Variants in PPP3CC observed in about 807,000 individuals in gnomAD.
PPP3CC encodes serine/threonine-protein phosphatase 2B catalytic subunit gamma isoform.
A neutral mutation model predicts 60.3 loss-of-function variants in PPP3CC; 35 were observed. The observed-to-expected ratio is 0.58, with a 90% confidence interval of 0.44 to 0.77. The LOEUF is 0.77. PPP3CC is among the 30% of genes least tolerant of loss of function. PPP3CC has a pLI of 0.00. For missense variants in PPP3CC, 570 were observed against 628.9 expected (o/e 0.91, Z 1.00); for synonymous variants, 206 against 224.3 (o/e 0.92, Z 0.73).
intron 8 of PPP3CC, among the ~76,000 whole-genome samples, chr8:22,523,091 A>T (rs1331460267): frequency 6.6e-6 from 1 of 152,230 alleles, no homozygotes; most frequent in African/African-American, 2.4e-5. Context: ...TGTTTATAAC[A>T]GTATCTCAAA....
At chr8:22,532,864 A>G (rs2117149230) in intron 11 of PPP3CC, 57 bp from the exon 12 acceptor site, 2 of 1,202,250 alleles carry the variant, frequency 1.7e-6, no homozygotes, top group Non-Finnish European at 2.3e-6. Context: ...CAATATCTTT[A>G]AGTTGCTGAA....
Position 22,461,634 on chromosome 8 carries a change from G to A in PPP3CC, c.50-13320G>A, listed in dbSNP as rs956836251. 2.6e-5 allele frequency among the ~76,000 whole-genome samples: 4 copies of A among 152,038 alleles called. No individual in the cohort carries two copies. The South Asian group carries it at 8.3e-4, about 32-fold the overall frequency. On this transcript the variant is annotated intron_variant, in intron 1 of 13. Coordinates refer to ENST00000240139, the MANE Select transcript of PPP3CC (RefSeq NM_005605.5). ...ACCAAAGACCACCAAGAAAACATCT[G>A]TAGTCAAAAATAAGTTACACTGATT...
chr8:22,495,934 A>G (rs1838565935), intron 3 of PPP3CC, among the ~76,000 whole-genome samples: 1 of 152,150 alleles, frequency 6.6e-6, no homozygotes, highest in Non-Finnish European at 1.5e-5. Flanking sequence ...TTAGTTACAC[A>G]GTTCTTACCT....
Position 22,469,440 on chromosome 8 carries a change from A to G in PPP3CC, c.50-5514A>G, listed in dbSNP as rs115708360. Among the ~76,000 whole-genome samples, 1,021 of 152,256 alleles carry G rather than the reference A, an allele frequency of 6.7e-3. 9 individuals are homozygous for G. Among genetic ancestry groups the G allele is most frequent in the African/African-American group, 0.023 (970 of 41,554 alleles). Reference sequence around the variant, plus strand: ...TGTTTGATAGCAGAGCAGGATGACTATACCTAACAAAAATGTATTGTACCT... The same window carrying G: ...TGTTTGATAGCAGAGCAGGATGACTGTACCTAACAAAAATGTATTGTACCT... On this transcript the variant is annotated intron_variant, in intron 1 of 13. Coordinates refer to ENST00000240139, the MANE Select transcript of PPP3CC (RefSeq NM_005605.5).
chr8:22,535,641 A>G (rs2117156698), intron 12 of PPP3CC, among the ~76,000 whole-genome samples: 1 of 152,260 alleles, frequency 6.6e-6, no homozygotes, highest in East Asian at 1.9e-4. Flanking sequence ...GACTACAGGC[A>G]TGTGCCACTG....
chr8:22,472,353 G>T (rs1474228788), intron 1 of PPP3CC, among the ~76,000 whole-genome samples: 10 of 83,054 alleles, frequency 1.2e-4, no homozygotes, highest in African/African-American at 3.5e-4. Flanking sequence ...AGAATATTTT[G>T]GTAAAAATGA....
In PPP3CC at chr8:22,527,514, A is replaced by G; in HGVS notation, c.1066A>G (p.Lys356Glu). ...FTWSLPFVGEKVTEMLVNVLN... is the reference protein window; with the variant it reads ...FTWSLPFVGEEVTEMLVNVLN... ...ATGGTCTTTGCCTTTTGTTGGGGAA[A>G]AAGGTAAGAGAACTAAAGCACATGT... The change falls in exon 9 of 14, where the codon AAA becomes GAA. Residue 356 changes from lysine (K) to glutamate (E), a missense_variant. By Grantham distance (56) the Lys-to-Glu change is moderately conservative (BLOSUM62 1). Coordinates refer to ENST00000240139, the MANE Select transcript of PPP3CC (RefSeq NM_005605.5). 6.2e-7 allele frequency: 1 copy of G among 1,613,940 alleles called. No individual in the cohort carries two copies. The highest frequency in any genetic ancestry group is 8.5e-7 in the Non-Finnish European group (1 of 1,179,974).
chr8:22,465,631 C>T (rs746253625), intron 1 of PPP3CC, among the ~76,000 whole-genome samples: 7 of 152,112 alleles, frequency 4.6e-5, no homozygotes, highest in Non-Finnish European at 8.8e-5. Flanking sequence ...TGGGATGATG[C>T]AGCAAGAAGA....
chr8:22,499,438 T>A (rs1838697292), intron 4 of PPP3CC, among the ~76,000 whole-genome samples: 1 of 144,868 alleles, frequency 6.9e-6, no homozygotes. Context: ...AGAGCAAGAC[T>A]CCGTCTCAAA....
intron 3 of PPP3CC, among the ~76,000 whole-genome samples, chr8:22,493,280 G>C (rs1838462704): frequency 6.6e-6 from 1 of 151,570 alleles, no homozygotes; most frequent in African/African-American, 2.4e-5. Context: ...TTCAGTTTTT[G>C]CTTATATACA....
At chr8:22,495,466 G>A (rs552639372) in intron 3 of PPP3CC, among the ~76,000 whole-genome samples, 26 of 152,158 alleles carry the variant, frequency 1.7e-4, no homozygotes, top group African/African-American at 5.5e-4. Context: ...TATCTTCAGG[G>A]TAGATTCCTA....
chr8:22,457,081 C>T lies in PPP3CC; in HGVS notation c.49+15623C>T, dbSNP rs975375619. Among the ~76,000 whole-genome samples, 54 of 135,756 alleles carry T rather than the reference C, an allele frequency of 4.0e-4. 1 individual carries two copies. Among genetic ancestry groups the T allele is most frequent in the African/African-American group, 1.3e-3 (46 of 36,570 alleles). 89.1% of individuals were successfully genotyped at this position (135,756 alleles called of 152,430 possible). A position where few individuals can be genotyped will look rare whatever the true frequency, so the allele number is the denominator to read the frequency against. On this transcript the variant is annotated intron_variant, in intron 1 of 13. Coordinates refer to ENST00000240139, the MANE Select transcript of PPP3CC (RefSeq NM_005605.5). ...TCCCTCCCTCCCTCCCTCCTTCCCT[C>T]CCTCCTTCCTTCCCTCCTTCCCCCT...
intron 7 of PPP3CC, 41 bp downstream of exon 7, chr8:22,522,609 C>G (rs745602235): frequency 9.4e-6 from 15 of 1,589,768 alleles, no homozygotes; most frequent in African/African-American, 1.3e-5. Flanking sequence ...GCTGCAGAGT[C>G]TTTGCATTTA....
At position 22,452,033 on chromosome 8, in the gene PPP3CC, T is replaced by TTTA. The variant is rs1554527509; in HGVS notation, c.49+10575_49+10576insTTA. On this transcript the variant is annotated intron_variant, in intron 1 of 13. Transcript: ENST00000240139. ...TGTGCATAATGGTTTTTTTTTTTTT[T>TTTA]AACAGTTTTAGAGATAAGGCCTCAC... Among the ~76,000 whole-genome samples, 1,157 of 151,368 alleles carry TTTA rather than the reference T, an allele frequency of 7.6e-3. 27 individuals carry two copies. In the East Asian group the frequency reaches 0.082, roughly 11 times the overall value.
chr8:22,462,537 A>G (rs986910825), intron 1 of PPP3CC, among the ~76,000 whole-genome samples: 2 of 151,522 alleles, frequency 1.3e-5, no homozygotes, highest in African/African-American at 4.8e-5. Flanking sequence ...TTTGGCCTCT[A>G]CAGGCACCAG....
intron 1 of PPP3CC, among the ~76,000 whole-genome samples, chr8:22,458,426 T>A (rs1288999455): frequency 6.6e-6 from 1 of 151,818 alleles, no homozygotes; most frequent in African/African-American, 2.4e-5. Flanking sequence ...GGTGAAACCT[T>A]GTCTCTACTA....
At chr8:22,469,492 C>G (rs998738804) in intron 1 of PPP3CC, among the ~76,000 whole-genome samples, 2 of 151,866 alleles carry the variant, frequency 1.3e-5, no homozygotes, top group African/African-American at 4.8e-5. Flanking sequence ...AAGACCCTGG[C>G]TTAATACTAT....
In PPP3CC at chr8:22,504,179, C is replaced by T. The variant is rs117982014; in HGVS notation, c.484+6067C>T. 2.8e-3 allele frequency among the ~76,000 whole-genome samples: 428 copies of T among 151,742 alleles called. 14 individuals are homozygous for T. The East Asian group carries it at 0.069, about 24-fold the overall frequency. Reference sequence around the variant, plus strand: ...TTTAAATTGATGTATAATAGTTGTACGTATTTTTGAGGTACATGTGATATT... The same window carrying T: ...TTTAAATTGATGTATAATAGTTGTATGTATTTTTGAGGTACATGTGATATT... On this transcript the variant is annotated intron_variant, in intron 4 of 13. Transcript: ENST00000240139.
chr8:22,483,347 C>T (rs577173195), intron 3 of PPP3CC, among the ~76,000 whole-genome samples: 10 of 152,020 alleles, frequency 6.6e-5, no homozygotes, highest in African/African-American at 9.6e-5. Context: ...AGTGCAGTGG[C>T]GCAATCTCGA....
Sources: allele counts gnomAD v4.1 joint callset (sites outside exome capture counted in the v4.1 genomes callset), GRCh38; gene constraint gnomAD v4.1.1; transcripts MANE v1.5; gene names NCBI Gene and HGNC (gene_info 2026-07-23, HGNC 2026-07-21).